SERINC5: variants seen among roughly 807,000 people sequenced by gnomAD.
SERINC5 encodes chromosome 5 open reading frame 12.
A neutral mutation model predicts 63.1 loss-of-function variants in SERINC5; 41 were observed. The observed-to-expected ratio is 0.65, with a 90% CI of 0.51 to 0.84. The LOEUF is 0.84. Ranked by LOEUF, SERINC5 falls within the 40% of genes least tolerant of loss-of-function variation. The probability of loss-of-function intolerance (pLI) is 0.00; values close to 1 mark genes in which losing one functional copy is unlikely to be tolerated. For synonymous variants in SERINC5, 222 were observed against 215.2 expected (o/e 1.03, Z -0.28); for missense variants, 523 against 573.0 (o/e 0.91, Z 0.89).
intron 11 of SERINC5, among the ~76,000 whole-genome samples, chr5:80,132,769 GTTCT>G (rs745345487): frequency 6.6e-6 from 1 of 152,078 alleles, no homozygotes; most frequent in East Asian, 1.9e-4. Flanking sequence ...CTGGCCCTTA[GTTCT>G]TTCTTTCAGA....
In SERINC5 at chr5:80,174,900, C is replaced by A. The variant is rs879813750; in HGVS notation, c.551+54G>T. The A allele has an allele frequency of 5.3e-5, 70 of 1,321,388 alleles. 1 individual carries two copies. The highest frequency in any genetic ancestry group is 7.2e-5 in the Non-Finnish European group (68 of 945,350). The allele number at this position is 1,321,388 out of a possible 1,614,324, so 81.9% of individuals were successfully genotyped here. A position where few individuals can be genotyped will look rare whatever the true frequency, so the allele number is the denominator to read the frequency against. ...CAATGCAGTTGAGTACAGCCTTGGT[C>A]AAAACTGGGCAGTTTCTGTGAGTCA... is the stretch of plus-strand genomic sequence containing the variant. On this transcript the variant is annotated intron_variant, in intron 5 of 11. Coordinates refer to ENST00000507668, the MANE Select transcript of SERINC5 (RefSeq NM_001174072.3).
intron 1 of SERINC5, among the ~76,000 whole-genome samples, chr5:80,219,163 G>T (rs964097536): frequency 6.6e-6 from 1 of 152,166 alleles, no homozygotes; most frequent in East Asian, 1.9e-4. Flanking sequence ...CAGGGGAAGG[G>T]GAAAGGGAGG....
At chr5:80,177,457 G>A (rs1181182161) in intron 3 of SERINC5, 60 bp from the exon 4 acceptor site, 13 of 1,350,308 alleles carry the variant, frequency 9.6e-6, no homozygotes, top group Non-Finnish European at 1.4e-5. Context: ...GAAGGACAAA[G>A]GACCTCGTAG....
chr5:80,156,072 C>A (rs2112337405), intron 8 of SERINC5, among the ~76,000 whole-genome samples: 1 of 152,192 alleles, frequency 6.6e-6, no homozygotes, highest in African/African-American at 2.4e-5. Flanking sequence ...AAGAGAGGAG[C>A]TAGGGAGATT....
chr5:80,239,464 ATTCTT>A (rs1455577200), intron 1 of SERINC5, among the ~76,000 whole-genome samples: 1 of 130,572 alleles, frequency 7.7e-6, no homozygotes, highest in African/African-American at 3.0e-5. Flanking sequence ...GAACACTGGG[ATTCTT>A]TTTTTTTTTT....
At chr5:80,134,857 T>C (rs1345080440), downstream of SERINC5, among the ~76,000 whole-genome samples, 2 of 152,192 alleles carry the variant, frequency 1.3e-5, no homozygotes, top group Non-Finnish European at 2.9e-5. Flanking sequence ...AGGGAGCGTA[T>C]CTTAAAAAGA....
intron 1 of SERINC5, among the ~76,000 whole-genome samples, chr5:80,212,570 A>G (rs150020004): frequency 9.5e-4 from 141 of 148,724 alleles, no homozygotes; most frequent in African/African-American, 3.4e-3. Context: ...AACAACCAAC[A>G]TTGTGTGGCT....
chr5:80,199,794 G>A (rs1749718855), intron 2 of SERINC5, among the ~76,000 whole-genome samples: 2 of 152,130 alleles, frequency 1.3e-5, no homozygotes, highest in East Asian at 1.9e-4. Flanking sequence ...TTAAGAGCAG[G>A]GATCACACTA....
chr5:80,243,153 CA>C (rs1250070497), intron 1 of SERINC5, among the ~76,000 whole-genome samples: 6 of 152,294 alleles, frequency 3.9e-5, no homozygotes, highest in African/African-American at 1.4e-4. Context: ...TCAAGAGTCC[CA>C]GGGGGTGGCC....
In SERINC5 at chr5:80,139,204, T is replaced by C; in HGVS notation, c.*4459A>G. ...AGTTTAAAAAATTAGCAAAGTTATA[T>C]CTATAAAACTTTTGTAGTTTTCTTT... On this transcript the variant is annotated 3_prime_UTR_variant, in exon 12 of 12. Transcript: ENST00000507668. 7 of 979,248 alleles carry C rather than the reference T, an allele frequency of 7.1e-6. No homozygotes were observed. Among genetic ancestry groups the C allele is most frequent in the Non-Finnish European group, 8.5e-6 (7 of 824,282 alleles). 60.7% of individuals were successfully genotyped at this position (979,248 alleles called of 1,614,324 possible).
intron 11 of SERINC5, among the ~76,000 whole-genome samples, chr5:80,145,085 A>C (rs1184908767): frequency 1.3e-5 from 2 of 152,058 alleles, no homozygotes; most frequent in Admixed American, 6.6e-5. Context: ...TCATGCCTAT[A>C]ATCTCAGCAC....
At chr5:80,217,412 T>C (rs146736805) in intron 1 of SERINC5, among the ~76,000 whole-genome samples, 1 of 152,240 alleles carries the variant, frequency 6.6e-6, no homozygotes, top group East Asian at 1.9e-4. Context: ...CGGAGTGCTT[T>C]CTAGGCTGGT....
In SERINC5 at chr5:80,255,913, G is replaced by T; in HGVS notation, c.10C>A (p.Gln4Lys). 1.3e-6 allele frequency: 2 copies of T among 1,572,872 alleles called. No homozygotes were observed. The highest frequency in any genetic ancestry group is 1.1e-5 in the South Asian group (1 of 87,396). The change falls in exon 1 of 12, where the codon CAG (glutamine) becomes AAG (lysine). Residue 4 changes from glutamine to lysine, a missense_variant. Coordinates refer to ENST00000507668, the MANE Select transcript of SERINC5 (RefSeq NM_001174072.3). ...TCGCTCACCTGGCCCGCACAGCACT[G>T]AGCTGACATCGCGGCGGCCAATGCC... MSA[Q>K]CCAGQLACCC...
chr5:80,113,911 T>A (rs966459638), intron 11 of SERINC5, among the ~76,000 whole-genome samples: 19 of 151,958 alleles, frequency 1.3e-4, no homozygotes, highest in Non-Finnish European at 7.3e-5. Context: ...CCCCCACCCA[T>A]GCCTGTGGGC....
intron 7 of SERINC5, 137 bp from the exon 8 acceptor site, chr5:80,159,099 T>A: frequency 1.3e-6 from 1 of 798,964 alleles, no homozygotes; most frequent in Non-Finnish European, 2.0e-6. Flanking sequence ...TGGAAACTTC[T>A]ACTCTACAGG....
At chr5:80,127,125 T>A (rs1310957536) in intron 11 of SERINC5, among the ~76,000 whole-genome samples, 1 of 152,206 alleles carries the variant, frequency 6.6e-6, no homozygotes, top group Non-Finnish European at 1.5e-5. Context: ...ATTTTATTAC[T>A]CAAAATATTT....
chr5:80,171,898 A>AGTCTTGCTCTGTCGCCC (rs1747690657), intron 5 of SERINC5, among the ~76,000 whole-genome samples: 1 of 151,924 alleles, frequency 6.6e-6, no homozygotes, highest in Non-Finnish European at 1.5e-5. Flanking sequence ...AAAAAGACAA[A>AGTCTTGCTCTGTCGCCC]AAAAGAAAGG....
At chr5:80,178,664 T>G (rs1171804218) in intron 2 of SERINC5, among the ~76,000 whole-genome samples, 1 of 149,706 alleles carries the variant, frequency 6.7e-6, no homozygotes, top group Non-Finnish European at 1.5e-5. Flanking sequence ...ATCATAGGTA[T>G]GAACCACTGC....
At chr5:80,125,281 G>A (rs1222518884) in intron 11 of SERINC5, among the ~76,000 whole-genome samples, 9 of 152,190 alleles carry the variant, frequency 5.9e-5, no homozygotes, top group Admixed American at 2.0e-4. Flanking sequence ...TTACAATACT[G>A]TGAAACATGT....
Sources: allele counts gnomAD v4.1 joint callset (sites outside exome capture counted in the v4.1 genomes callset), GRCh38; gene constraint gnomAD v4.1.1; transcripts MANE v1.5; gene names NCBI Gene and HGNC (gene_info 2026-07-23, HGNC 2026-07-21).